Variants in TASP1 observed in about 807,000 individuals in gnomAD.
TASP1 encodes taspase 1.
TASP1 carries 16 observed loss-of-function variants against 56.6 expected under a neutral mutation model. That is an observed-to-expected ratio of 0.28 (90% CI 0.19 to 0.43). The LOEUF is 0.43. Ranked by LOEUF, TASP1 falls within the 20% of genes least tolerant of loss-of-function variation. TASP1 has a pLI of 1.00. For synonymous variants in TASP1, 179 were observed against 184.2 expected (o/e 0.97, Z 0.23); for missense variants, 393 against 511.6 (o/e 0.77, Z 2.24).
intron 4 of TASP1, among the ~76,000 whole-genome samples, chr20:13,589,739 A>T (rs112060384): frequency 1.2e-4 from 19 of 152,280 alleles, no homozygotes; most frequent in African/African-American, 3.6e-4. Flanking sequence ...ATATATATTT[A>T]AAAAAATTCT....
chr20:13,359,938 A>G, the TASP1 span, among the ~76,000 whole-genome samples: 1 of 150,360 alleles, frequency 6.7e-6, no homozygotes, highest in Non-Finnish European at 1.5e-5. Context: ...CCCTTACCCC[A>G]CTCAATGCCA....
chr20:13,549,755 G>A (rs1288732572), intron 8 of TASP1, among the ~76,000 whole-genome samples: 1 of 151,850 alleles, frequency 6.6e-6, no homozygotes, highest in Non-Finnish European at 1.5e-5. Context: ...AGATCAGCTG[G>A]GACTATTCCA....
chr20:13,123,192 G>A, the TASP1 span, among the ~76,000 whole-genome samples: 3 of 152,108 alleles, frequency 2.0e-5, no homozygotes, highest in Admixed American at 6.5e-5. Flanking sequence ...TTAGCCAGGA[G>A]TGGTGGCACA....
chr20:13,351,961 C>T, the TASP1 span, among the ~76,000 whole-genome samples: 31,455 of 152,070 alleles, frequency 0.21, 3,949 homozygotes, highest in African/African-American at 0.35. Flanking sequence ...TTTTTCATTT[C>T]ATTTAATTTT....
the TASP1 span, among the ~76,000 whole-genome samples, chr20:13,277,470 T>C: frequency 6.6e-6 from 1 of 152,174 alleles, no homozygotes; most frequent in Non-Finnish European, 1.5e-5. Context: ...AGCATCGCCC[T>C]GTCACTGCCC....
chr20:13,429,647 TGTGC>T (rs2042737470), intron 12 of TASP1, among the ~76,000 whole-genome samples: 3 of 144,848 alleles, frequency 2.1e-5, no homozygotes, highest in African/African-American at 8.3e-5. Context: ...TGTCTGTGTG[TGTGC>T]CTGTCTGTGT....
chr20:13,307,524 T>C, the TASP1 span, among the ~76,000 whole-genome samples: 1 of 152,198 alleles, frequency 6.6e-6, no homozygotes, highest in Admixed American at 6.5e-5. Context: ...AATTTCTTTG[T>C]ATGTAAATTT....
chr20:13,539,112 A>G (rs1406689526), intron 8 of TASP1, among the ~76,000 whole-genome samples: 8 of 152,186 alleles, frequency 5.3e-5, no homozygotes, highest in Non-Finnish European at 5.9e-5. Flanking sequence ...GAAACCAGCA[A>G]AAATCTGAAC....
At chr20:13,130,457 T>C in the TASP1 span, among the ~76,000 whole-genome samples, 1 of 152,218 alleles carries the variant, frequency 6.6e-6, no homozygotes, top group African/African-American at 2.4e-5. Flanking sequence ...TTCACTTTAA[T>C]CTGCAATGCA....
intron 4 of TASP1, among the ~76,000 whole-genome samples, chr20:13,602,905 A>T (rs535948882): frequency 1.3e-5 from 2 of 152,272 alleles, no homozygotes; most frequent in Admixed American, 1.3e-4. Flanking sequence ...ATTGTTTTGT[A>T]AATCTTTAAA....
intron 7 of TASP1, among the ~76,000 whole-genome samples, chr20:13,566,544 T>C (rs770928943): frequency 5.3e-5 from 8 of 149,868 alleles, no homozygotes; most frequent in African/African-American, 9.8e-5. Context: ...CAGAGAGTTA[T>C]AGTGAGGAAG....
At chr20:13,563,146 G>A (rs1340309152) in intron 7 of TASP1, among the ~76,000 whole-genome samples, 1 of 150,808 alleles carries the variant, frequency 6.6e-6, no homozygotes, top group East Asian at 2.0e-4. Flanking sequence ...ATAAATAAGA[G>A]AGTTCTATGA....
intron 12 of TASP1, among the ~76,000 whole-genome samples, chr20:13,434,399 T>A (rs544006579): frequency 6.6e-6 from 1 of 152,268 alleles, no homozygotes; most frequent in East Asian, 1.9e-4. Context: ...CCCACAACTC[T>A]GTGCCTTCAC....
the TASP1 span, among the ~76,000 whole-genome samples, chr20:13,265,922 C>T: frequency 6.6e-6 from 1 of 152,204 alleles, no homozygotes; most frequent in Non-Finnish European, 1.5e-5. Flanking sequence ...CACCATCTGT[C>T]CAGTCAGCCA....
the TASP1 span, among the ~76,000 whole-genome samples, chr20:13,317,234 C>A: frequency 6.6e-6 from 1 of 150,728 alleles, no homozygotes; most frequent in Non-Finnish European, 1.5e-5. Context: ...AAAATACATA[C>A]AAGATCTACA....
At chr20:13,259,280 CA>C in the TASP1 span, among the ~76,000 whole-genome samples, 604 of 116,584 alleles carry the variant, frequency 5.2e-3, 4 homozygotes, top group Non-Finnish European at 7.8e-3. Flanking sequence ...GACTCTGTCT[CA>C]AAAAAAAAAA....
At chr20:13,374,957 T>C in the TASP1 span, among the ~76,000 whole-genome samples, 63 of 152,238 alleles carry the variant, frequency 4.1e-4, no homozygotes, top group East Asian at 9.5e-3. Context: ...TTTCATATTA[T>C]ACCCAGCAAT....
chr20:13,217,892 T>G, the TASP1 span, among the ~76,000 whole-genome samples: 3 of 152,188 alleles, frequency 2.0e-5, no homozygotes, highest in Non-Finnish European at 4.4e-5. Context: ...CTGGTCCAAT[T>G]TTTCTCTTTT....
chr20:13,118,605 A>G, the TASP1 span, among the ~76,000 whole-genome samples: 1 of 152,212 alleles, frequency 6.6e-6, no homozygotes, highest in African/African-American at 2.4e-5. Flanking sequence ...AAATTCTGAC[A>G]CCTATCTCAG....
Sources: allele counts gnomAD v4.1 joint callset (sites outside exome capture counted in the v4.1 genomes callset), GRCh38; gene constraint gnomAD v4.1.1; transcripts MANE v1.5; gene names NCBI Gene and HGNC (gene_info 2026-07-23, HGNC 2026-07-21).